Variants in PAX6 observed in about 807,000 individuals in gnomAD.
PAX6 encodes paired box protein Pax-6.
A neutral mutation model predicts 60.7 loss-of-function variants in PAX6; 7 were observed. The observed-to-expected ratio is 0.12, with a 90% confidence interval of 0.07 to 0.22. The LOEUF is 0.22. Ranked by LOEUF, PAX6 falls within the 10% of genes least tolerant of loss-of-function variation. The pLI is 1.00. For synonymous variants in PAX6, 208 were observed against 201.2 expected, an observed-to-expected ratio of 1.03 and a Z score of -0.29; for missense variants, 355 against 555.2, an observed-to-expected ratio of 0.64 and a Z score of 3.62.
chr11:31,812,879 T>C (rs1486681950), upstream of PAX6: 2 of 152,430 alleles, frequency 1.3e-5, no homozygotes, highest in Non-Finnish European at 2.9e-5. Flanking sequence ...CGCTGCTGAC[T>C]GGCCGCGTCG....
chr11:31,805,486 C>T (rs1011497519), intron 4 of PAX6: 1 of 152,676 alleles, frequency 6.5e-6, no homozygotes, highest in Non-Finnish European at 1.5e-5. Context: ...CCAGGGCAGG[C>T]TGCTGGAAGA....
In PAX6 at chr11:31,789,378, G is replaced by A. The variant is rs1350731402; in HGVS notation, c.*556C>T. The A allele has an allele frequency of 2.2e-5, 7 of 317,460 alleles. No homozygotes were observed. Among genetic ancestry groups the A allele is most frequent in the Admixed American group, 1.9e-4 (4 of 21,416 alleles). The allele number at this position is 317,460 out of a possible 1,614,324, so 19.7% of individuals were successfully genotyped here. A position where few individuals can be genotyped will look rare whatever the true frequency, so the allele number is the denominator to read the frequency against. ...CCTTTTTTGCACATAAACTTCATCT[G>A]TTAACAACCTTTGGAAAACCAACAG... On this transcript the variant is annotated 3_prime_UTR_variant, in exon 14 of 14. Coordinates refer to ENST00000640368, the MANE Select transcript of PAX6 (RefSeq NM_001368894.2).
chr11:31,801,789 A>G lies in PAX6; in HGVS notation c.184-13T>C. 1 of 1,614,234 alleles carries G rather than the reference A, an allele frequency of 6.2e-7. No individual in the cohort carries two copies. Among genetic ancestry groups the G allele is most frequent in the Non-Finnish European group, 8.5e-7 (1 of 1,180,028 alleles). ...ATCCGTTGGACACCTGCATAGGGGA[A>G]GTGGACAGAAAACCACATTATTAAT... On this transcript the variant is annotated splice_polypyrimidine_tract_variant and intron_variant, in intron 6 of 13. Transcript: ENST00000640368.
chr11:31,793,333 A>C (rs763811795), intron 12 of PAX6, 105 bp downstream of exon 12: 12 of 943,140 alleles, frequency 1.3e-5, no homozygotes, highest in Non-Finnish European at 2.1e-5. Flanking sequence ...TGTAGTGCGA[A>C]AAGCTCTCAA....
At chr11:31,797,427 G>C (rs1951933717) in intron 8 of PAX6, among the ~76,000 whole-genome samples, 1 of 149,260 alleles carries the variant, frequency 6.7e-6, no homozygotes, top group Admixed American at 6.7e-5. Flanking sequence ...CGCGATCGCC[G>C]CCAGGCCCTG....
chr11:31,802,385 C>T (rs908792305), intron 5 of PAX6: 7 of 360,992 alleles, frequency 1.9e-5, no homozygotes, highest in Admixed American at 1.3e-4. Flanking sequence ...CAGCTTATTA[C>T]GGTTCATAAA....
upstream of PAX6, chr11:31,814,121 C>G (rs981003078): frequency 6.6e-6 from 1 of 152,104 alleles, no homozygotes; most frequent in African/African-American, 2.4e-5. Flanking sequence ...CCCCACAGGC[C>G]CCTGTTCCCC....
At chr11:31,812,094 T>C (rs978101137), upstream of PAX6, 1 of 152,230 alleles carries the variant, frequency 6.6e-6, no homozygotes, top group Non-Finnish European at 1.5e-5. Flanking sequence ...GCCACTTACT[T>C]TGTGTACAGA....
intron 13 of PAX6, 111 bp downstream of exon 13, chr11:31,790,599 G>T (rs529096856): frequency 1.3e-6 from 2 of 1,563,314 alleles, no homozygotes; most frequent in Non-Finnish European, 1.8e-6. Context: ...CCAGGGACAA[G>T]GAAAGCAAGG....
Position 31,802,778 on chromosome 11 carries a change from C to T in PAX6, c.67G>A (p.Asp23Asn). 6.2e-7 allele frequency: 1 copy of T among 1,613,978 alleles called. No homozygotes were observed. Among genetic ancestry groups the T allele is most frequent in the Non-Finnish European group, 8.5e-7 (1 of 1,180,016 alleles). ...GVFVNGRPLP[D>N]STRQKIVELA... ...TCTACAATCTTCTGCCGGGTGGAGTCCGGCAGTGGCCGCCCGTTGACAAAG... is the reference window on the plus strand; with the variant it reads ...TCTACAATCTTCTGCCGGGTGGAGTTCGGCAGTGGCCGCCCGTTGACAAAG... The change falls in exon 5 of 14, where the codon GAC becomes AAC. Residue 23 changes from aspartate (D) to asparagine (N), a missense_variant. By Grantham distance (23) the Asp-to-Asn change is conservative. This residue lies in a region of PAX6 where 41 missense variants were observed against 77.1 expected (regional missense o/e 0.53). Coordinates refer to ENST00000640368, the MANE Select transcript of PAX6 (RefSeq NM_001368894.2).
At chr11:31,814,990 G>GTCTCTCTCTC (rs71060502), upstream of PAX6, 4,351 of 130,284 alleles carry the variant, frequency 0.033, 129 homozygotes, top group African/African-American at 0.044. Context: ...AGGCCAGCCT[G>GTCTCTCTCTC]TCTCTCTCTC....
intron 8 of PAX6, among the ~76,000 whole-genome samples, chr11:31,800,339 T>C (rs895338554): frequency 6.6e-6 from 1 of 152,190 alleles, no homozygotes; most frequent in African/African-American, 2.4e-5. Context: ...GTGCGTTATC[T>C]TGTCACACTT....
rs1949682214 is a variant in PAX6 at position 31,790,837 on chromosome 11, G to A, written c.1098C>T (p.Ser366=). The change falls in exon 13 of 14, where the codon TCC becomes TCT. Residue 366 remains serine, a synonymous_variant. Transcript: ENST00000640368. ...TGGTGGGCAGCATGCAGGAGTATGAGGAGGTCTGGCTGGGGACTGGGGGCT... is the reference window on the plus strand; with the variant it reads ...TGGTGGGCAGCATGCAGGAGTATGAAGAGGTCTGGCTGGGGACTGGGGGCT... ...PMQPPVPSQT[S]SYSCMLPTSP... 19 of 1,614,000 alleles carry A rather than the reference G, an allele frequency of 1.2e-5. No individual in the cohort carries two copies. The highest frequency in any genetic ancestry group is 1.5e-5 in the Non-Finnish European group (18 of 1,180,016).
Position 31,789,813 on chromosome 11 carries a change from G to A in PAX6, c.*121C>T, listed in dbSNP as rs1949167410. ...TGGTACAATACAGGACACAATTGTA[G>A]AACTGAAGCGGCTCTAACAGCCATT... On this transcript the variant is annotated 3_prime_UTR_variant, in exon 14 of 14. Transcript: ENST00000640368. The A allele has an allele frequency of 1.2e-6, 1 of 865,432 alleles. No homozygotes were observed. The highest frequency in any genetic ancestry group is 2.0e-5 in the Admixed American group (1 of 49,798). 53.6% of individuals were successfully genotyped at this position (865,432 alleles called of 1,614,324 possible).
chr11:31,790,287 A>T, intron 13 of PAX6: 1 of 577,810 alleles, frequency 1.7e-6, no homozygotes. Flanking sequence ...GTTTGTTTGC[A>T]TGTTTGGAAC....
upstream of PAX6, chr11:31,811,505 C>G (rs1378477170): frequency 1.3e-5 from 4 of 299,248 alleles, no homozygotes; most frequent in Non-Finnish European, 1.2e-5. Context: ...GCAGGGCCCC[C>G]GAGCCCGGGC....
intron 10 of PAX6, 31 bp from the exon 11 acceptor site, chr11:31,793,833 T>C: frequency 1.2e-6 from 2 of 1,614,016 alleles, no homozygotes; most frequent in Middle Eastern, 1.7e-4. Flanking sequence ...GTTAGCACTG[T>C]GTCTACGTCG....
intron 4 of PAX6, chr11:31,805,231 C>T (rs887218070): frequency 5.9e-5 from 9 of 152,236 alleles, no homozygotes; most frequent in Non-Finnish European, 2.9e-5. Flanking sequence ...TGGGGCCCGC[C>T]CGAGAGACAG....
intron 13 of PAX6, 129 bp downstream of exon 13, chr11:31,790,581 C>A: frequency 6.5e-7 from 1 of 1,539,764 alleles, no homozygotes; most frequent in Non-Finnish European, 8.9e-7. Flanking sequence ...CTTTTCAATC[C>A]CCATCCCCCA....
Sources: gnomAD v4.1 joint callset for allele counts (sites outside exome capture counted in the v4.1 genomes callset) on GRCh38, gnomAD v4.1.1 for gene constraint, gnomAD v4.1.1 regional missense constraint, MANE v1.5 for transcripts, NCBI Gene and HGNC (gene_info 2026-07-23, HGNC 2026-07-21) for gene names.